CADM2: variants seen among roughly 807,000 people sequenced by gnomAD.
CADM2 encodes cell adhesion molecule 2, also known as immunoglobulin superfamily member 4D.
CADM2 carries 12 observed loss-of-function variants against 49.8 expected under a neutral mutation model. The observed-to-expected ratio is 0.24, with a 90% CI of 0.15 to 0.39. The LOEUF (loss-of-function observed/expected upper bound fraction) is 0.39, where lower values mean the gene tolerates loss of function less well. Ranked by LOEUF, CADM2 falls within the 10% of genes least tolerant of loss-of-function variation. The probability of loss-of-function intolerance (pLI) is 1.00; values close to 1 mark genes in which losing one functional copy is unlikely to be tolerated. For synonymous variants in CADM2, 214 were observed against 175.4 expected (o/e 1.22, Z -1.74); for missense variants, 378 against 492.3 (o/e 0.77, Z 2.20).
intron 1 of CADM2, among the ~76,000 whole-genome samples, chr3:84,978,286 T>G (rs1664806565): frequency 6.6e-6 from 1 of 152,150 alleles, no homozygotes; most frequent in African/African-American, 2.4e-5. Flanking sequence ...ATCTTCCACT[T>G]CTAGAATATT....
At chr3:84,982,180 C>T (rs2032218292) in intron 1 of CADM2, among the ~76,000 whole-genome samples, 1 of 152,074 alleles carries the variant, frequency 6.6e-6, no homozygotes, top group South Asian at 2.1e-4. Flanking sequence ...AGGACACTTT[C>T]TCAGTGAGAA....
At chr3:85,959,449 G>C (rs76664516) in intron 7 of CADM2, among the ~76,000 whole-genome samples, 6,192 of 151,978 alleles carry the variant, frequency 0.041, 419 homozygotes, top group African/African-American at 0.14. Flanking sequence ...GGGACTGAAA[G>C]TTCCAACCTG....
intron 1 of CADM2, among the ~76,000 whole-genome samples, chr3:85,019,206 G>A (rs560164985): frequency 7.9e-5 from 12 of 152,294 alleles, no homozygotes; most frequent in Admixed American, 6.5e-4. Context: ...ATGCTGGGCA[G>A]GTGTGGTGGC....
chr3:85,735,457 C>T (rs890824228), intron 2 of CADM2, among the ~76,000 whole-genome samples: 4 of 152,088 alleles, frequency 2.6e-5, no homozygotes, highest in African/African-American at 9.7e-5. Flanking sequence ...GGAATGGAGA[C>T]ACAGGTCATG....
At chr3:85,359,668 T>TATATATATATATATATA (rs1559799260) in intron 1 of CADM2, among the ~76,000 whole-genome samples, 29 of 22,432 alleles carry the variant, frequency 1.3e-3, no homozygotes, top group Admixed American at 9.8e-3. Flanking sequence ...ATATATATAT[T>TATATATATATATATATA]TTTTTTTTTG....
chr3:85,855,877 C>T (rs929322132), intron 3 of CADM2, among the ~76,000 whole-genome samples: 2 of 151,874 alleles, frequency 1.3e-5, no homozygotes, highest in Non-Finnish European at 2.9e-5. Flanking sequence ...CAGCCTGCCT[C>T]GGCCTCCGAA....
chr3:86,005,019 C>T (rs904876421), intron 8 of CADM2, among the ~76,000 whole-genome samples: 1 of 152,096 alleles, frequency 6.6e-6, no homozygotes, highest in African/African-American at 2.4e-5. Flanking sequence ...CTTGTTAATT[C>T]CCAGAAAAAG....
At chr3:85,199,331 C>G (rs1336788427) in intron 1 of CADM2, among the ~76,000 whole-genome samples, 1 of 93,386 alleles carries the variant, frequency 1.1e-5, no homozygotes, top group South Asian at 3.3e-4. Context: ...ATGTAACTCT[C>G]TTTGTGTGTG....
intron 1 of CADM2, among the ~76,000 whole-genome samples, chr3:85,087,492 T>G (rs1449410516): frequency 6.6e-6 from 1 of 152,190 alleles, no homozygotes; most frequent in African/African-American, 2.4e-5. Context: ...TACCCTTCCA[T>G]GTAAATTATG....
intron 1 of CADM2, among the ~76,000 whole-genome samples, chr3:85,183,970 T>C (rs2107709900): frequency 6.6e-6 from 1 of 152,224 alleles, no homozygotes; most frequent in South Asian, 2.1e-4. Flanking sequence ...TATTGAGTTA[T>C]ATAGCAAAAT....
At chr3:85,802,913 G>T (rs2072143354) in intron 3 of CADM2, among the ~76,000 whole-genome samples, 1 of 151,838 alleles carries the variant, frequency 6.6e-6, no homozygotes, top group South Asian at 2.1e-4. Flanking sequence ...TGAGACTGTT[G>T]CTTAAGATAC....
chr3:85,887,151 G>A (rs769262753), intron 5 of CADM2, among the ~76,000 whole-genome samples: 4 of 151,870 alleles, frequency 2.6e-5, no homozygotes, highest in Non-Finnish European at 5.9e-5. Context: ...GCAGTGATAC[G>A]ATCATAGCTC....
intron 1 of CADM2, among the ~76,000 whole-genome samples, chr3:85,656,697 T>C (rs1353426842): frequency 6.6e-6 from 1 of 152,094 alleles, no homozygotes; most frequent in Non-Finnish European, 1.5e-5. Context: ...AAGAAAAATA[T>C]TCAGACTGTT....
At chr3:85,226,196 CA>C (rs2042157120) in intron 1 of CADM2, among the ~76,000 whole-genome samples, 1 of 151,288 alleles carries the variant, frequency 6.6e-6, no homozygotes. Context: ...GAAATGATAT[CA>C]GCTCCTCTTT....
At chr3:85,344,665 T>G (rs62253086) in intron 1 of CADM2, among the ~76,000 whole-genome samples, 19,425 of 151,952 alleles carry the variant, frequency 0.13, 1,523 homozygotes, top group African/African-American at 0.21. Flanking sequence ...AAAATGTCAT[T>G]TATTAAATGT....
At chr3:85,932,595 A>G (rs1720735522) in intron 6 of CADM2, among the ~76,000 whole-genome samples, 1 of 152,184 alleles carries the variant, frequency 6.6e-6, no homozygotes, top group African/African-American at 2.4e-5. Context: ...CCAGGGACCT[A>G]AGAGTTGAAC....
At chr3:85,336,606 G>A (rs2045084955) in intron 1 of CADM2, among the ~76,000 whole-genome samples, 1 of 150,978 alleles carries the variant, frequency 6.6e-6, no homozygotes, top group Admixed American at 6.6e-5. Flanking sequence ...TGGACTAATA[G>A]TCAACTAGAA....
At chr3:85,913,568 T>G (rs1577646795) in intron 6 of CADM2, among the ~76,000 whole-genome samples, 1 of 152,188 alleles carries the variant, frequency 6.6e-6, no homozygotes, top group Non-Finnish European at 1.5e-5. Flanking sequence ...CACTATGTAA[T>G]AGGCATTGTT....
intron 1 of CADM2, among the ~76,000 whole-genome samples, chr3:85,459,202 C>G (rs2038126518): frequency 6.6e-6 from 1 of 152,176 alleles, no homozygotes. Context: ...CCCCATCTTT[C>G]TCTTACAGGG....
Sources: allele counts gnomAD v4.1 joint callset (sites outside exome capture counted in the v4.1 genomes callset), GRCh38; gene constraint gnomAD v4.1.1; transcripts MANE v1.5; gene names NCBI Gene and HGNC (gene_info 2026-07-23, HGNC 2026-07-21).